Variants in LRRK1 observed in about 807,000 individuals in gnomAD.
The protein encoded by LRRK1 is leucine rich repeat kinase 1.
A neutral mutation model predicts 209.1 loss-of-function variants in LRRK1; 113 were observed. The observed-to-expected ratio is 0.54, with a 90% CI of 0.46 to 0.63. LRRK1 has a LOEUF of 0.63. Among genes scored for constraint, LRRK1 ranks in the 30% least tolerant of loss-of-function variants. The pLI is 0.00. For missense variants in LRRK1, 2,284 were observed against 2,632.2 expected, an observed-to-expected ratio of 0.87 and a Z score of 2.89; for synonymous variants, 1,144 against 1,099.7, an observed-to-expected ratio of 1.04 and a Z score of -0.80.
chr15:100,924,909 A>G (rs2042082989), intron 2 of LRRK1, among the ~76,000 whole-genome samples, 180 bp downstream of exon 2: 1 of 152,268 alleles, frequency 6.6e-6, no homozygotes, highest in South Asian at 2.1e-4. Flanking sequence ...ATTGAGGAAC[A>G]GTGTACAAAA....
At position 101,077,352 on chromosome 15, in the gene LRRK1, A is replaced by G. The variant is rs2037020921; in HGVS notation, c.*8504A>G. The G allele has an allele frequency of 6.6e-6, 1 of 152,204 alleles. No individual in the cohort carries two copies. The highest frequency in any genetic ancestry group is 2.4e-5 in the African/African-American group (1 of 41,448). The allele number at this position is 152,204 out of a possible 1,614,324, so 9.4% of individuals were successfully genotyped here. ...TCATACGTGCCCTGCTCTTGTTTAC[A>G]CTGCCAGTTTACACTGTTTCTCCAA... On this transcript the variant is annotated 3_prime_UTR_variant, in exon 34 of 34. Transcript: ENST00000388948.
chr15:101,027,310 A>G lies in LRRK1; in HGVS notation c.2455A>G (p.Ile819Val), dbSNP rs1213306218. ...LEGQEGLRQLIFHVTCSMKDV... is the reference protein window; with the variant it reads ...LEGQEGLRQLVFHVTCSMKDV... ...AGGTCAGGAAGGGCTGCGACAGCTG[A>G]TTTTCCACGTCACGTGCAGCATGAA... Residue 819 changes from isoleucine (I) to valine (V), a missense_variant, in exon 18 of 34, where the codon ATT (isoleucine) becomes GTT (valine). Physicochemically the swap from Ile to Val is conservative, Grantham distance 29. Transcript: ENST00000388948. The surrounding 1 kb of genome is among the most constrained non-coding windows in gnomAD (Gnocchi z 5.1). 1 of 1,613,958 alleles carries G rather than the reference A, an allele frequency of 6.2e-7. No homozygotes were observed. Among genetic ancestry groups the G allele is most frequent in the Non-Finnish European group, 8.5e-7 (1 of 1,179,992 alleles).
At chr15:101,016,384 C>T (rs539340574) in intron 12 of LRRK1, among the ~76,000 whole-genome samples, 1 of 151,946 alleles carries the variant, frequency 6.6e-6, no homozygotes, top group Admixed American at 6.6e-5. Flanking sequence ...CAGGGTTTCA[C>T]CATGTTGGCC....
At chr15:100,988,604 C>A in intron 4 of LRRK1, 30 bp from the exon 5 acceptor site, 1 of 1,612,040 alleles carries the variant, frequency 6.2e-7, no homozygotes, top group Non-Finnish European at 8.5e-7. Context: ...TTCAGTGGCA[C>A]TTTCCCTTTG....
At chr15:100,940,576 C>T (rs1433628654) in intron 2 of LRRK1, among the ~76,000 whole-genome samples, 2 of 152,160 alleles carry the variant, frequency 1.3e-5, no homozygotes, top group Non-Finnish European at 2.9e-5. Flanking sequence ...CAACTCTTCT[C>T]GTTTTAATTC....
rs1440171357 is a variant in LRRK1 at position 101,074,761 on chromosome 15, C to A, written c.*5913C>A. Reference sequence around the variant, plus strand: ...ACACAAGAACTTCCAAACACCTGAACTGCAGCGGCCAGGCATTCCTCCAGA... The same window carrying A: ...ACACAAGAACTTCCAAACACCTGAAATGCAGCGGCCAGGCATTCCTCCAGA... On this transcript the variant is annotated 3_prime_UTR_variant, in exon 34 of 34. Transcript: ENST00000388948. 6.6e-6 allele frequency: 1 copy of A among 152,006 alleles called. No individual in the cohort carries two copies. The highest frequency in any genetic ancestry group is 1.5e-5 in the Non-Finnish European group (1 of 67,936). The allele number at this position is 152,006 out of a possible 1,614,324, so 9.4% of individuals were successfully genotyped here. A position where few individuals can be genotyped will look rare whatever the true frequency, so the allele number is the denominator to read the frequency against.
chr15:100,943,703 T>C (rs992460587), intron 2 of LRRK1, among the ~76,000 whole-genome samples: 1 of 151,796 alleles, frequency 6.6e-6, no homozygotes, highest in South Asian at 2.1e-4. Context: ...TCGTATCTTT[T>C]TTTTTTTTTT....
chr15:101,052,494 A>G (rs530038634), intron 24 of LRRK1, among the ~76,000 whole-genome samples: 1 of 152,218 alleles, frequency 6.6e-6, no homozygotes, highest in African/African-American at 2.4e-5. Context: ...CTGTAGCCCT[A>G]GCGCTGAGCC....
At position 101,053,224 on chromosome 15, in the gene LRRK1, C is replaced by T. The variant is rs1381057161; in HGVS notation, c.3858C>T (p.Asp1286=). The part of the protein sequence containing the change: ...KFKNFANVPA[D]TMLRHLRATD... Reference sequence around the variant, plus strand: ...CTGACACTGCGCTGTCCCTGGCAGACACCATGCTGAGGCACCTGCGGGCCA... The same window carrying T: ...CTGACACTGCGCTGTCCCTGGCAGATACCATGCTGAGGCACCTGCGGGCCA... The change falls in exon 26 of 34, where the codon GAC becomes GAT. Residue 1286 remains aspartate (D), a splice_region_variant and synonymous_variant. Coordinates refer to ENST00000388948, the MANE Select transcript of LRRK1 (RefSeq NM_024652.6). The T allele has an allele frequency of 1.2e-6, 2 of 1,605,306 alleles. No individual in the cohort carries two copies. The highest frequency in any genetic ancestry group is 1.1e-5 in the South Asian group (1 of 91,062).
intron 2 of LRRK1, among the ~76,000 whole-genome samples, chr15:100,964,627 T>C (rs1043344126): frequency 6.6e-6 from 1 of 152,244 alleles, no homozygotes; most frequent in Non-Finnish European, 1.5e-5. Flanking sequence ...TGCTGCTCTA[T>C]TGACGGAGGC....
Position 101,027,399 on chromosome 15 carries a change from C to A in LRRK1, c.2526+18C>A. 1 of 1,608,740 alleles carries A rather than the reference C, an allele frequency of 6.2e-7. No homozygotes were observed. The highest frequency in any genetic ancestry group is 8.5e-7 in the Non-Finnish European group (1 of 1,177,850). On this transcript the variant is annotated intron_variant, in intron 18 of 33. Coordinates refer to ENST00000388948, the MANE Select transcript of LRRK1 (RefSeq NM_024652.6). The surrounding 1 kb of genome is among the most constrained non-coding windows in gnomAD (Gnocchi z 5.1). ...GGCGGCTGGTGGGTACCTTGCTGGTCCAGTTTAAACCAGTCTGCCTGCTTC... is the reference window on the plus strand; with the variant it reads ...GGCGGCTGGTGGGTACCTTGCTGGTACAGTTTAAACCAGTCTGCCTGCTTC...
chr15:100,964,211 A>G (rs1291480694), intron 2 of LRRK1, among the ~76,000 whole-genome samples: 1 of 152,054 alleles, frequency 6.6e-6, no homozygotes, highest in Admixed American at 6.5e-5. Context: ...TCTGGAGAGG[A>G]ATTATCACCG....
intron 3 of LRRK1, among the ~76,000 whole-genome samples, chr15:100,979,142 C>T (rs2031463511): frequency 6.6e-6 from 1 of 152,216 alleles, no homozygotes; most frequent in Middle Eastern, 3.4e-3. Flanking sequence ...AGAAAAGTTA[C>T]CTTATCATAT....
chr15:101,049,567 C>A, intron 22 of LRRK1, 77 bp from the exon 23 acceptor site: 1 of 1,547,940 alleles, frequency 6.5e-7, no homozygotes. Context: ...TGGTTCCTGT[C>A]CCTGGGGGTA....
In LRRK1 at chr15:101,075,437, A is replaced by T; in HGVS notation, c.*6589A>T. 1 of 119,494 alleles carries T rather than the reference A, an allele frequency of 8.4e-6. No homozygotes were observed. Among genetic ancestry groups the T allele is most frequent in the African/African-American group, 4.0e-5 (1 of 24,902 alleles). The allele number at this position is 119,494 out of a possible 1,614,324, so 7.4% of individuals were successfully genotyped here. A position where few individuals can be genotyped will look rare whatever the true frequency, so the allele number is the denominator to read the frequency against. On this transcript the variant is annotated 3_prime_UTR_variant, in exon 34 of 34. Transcript: ENST00000388948. The stretch of plus-strand genomic sequence containing the variant: ...TATCCCCCGACCTTAACCCATAAGT[A>T]TAAGATACCTCTACTCCCTCCTTGG...
Position 101,027,671 on chromosome 15 carries a change from G to C in LRRK1, c.2560G>C (p.Val854Leu), listed in dbSNP as rs368404584. ...PRSYLSLQEA[V>L]LAEQQRRSRD... ...GAGCTACCTGAGCCTGCAGGAGGCC[G>C]TGCTGGCAGAGCAGCAGCGCCGCAG... The change falls in exon 19 of 34, where the codon GTG becomes CTG. Residue 854 changes from valine to leucine, a missense_variant. Val to Leu is a conservative substitution (Grantham distance 32, BLOSUM62 1). Coordinates refer to ENST00000388948, the MANE Select transcript of LRRK1 (RefSeq NM_024652.6). This position sits in a 1 kb window ranked among gnomAD's most constrained non-coding sequence, Gnocchi z 5.1. 6 of 1,613,152 alleles carry C rather than the reference G, an allele frequency of 3.7e-6. No individual in the cohort carries two copies. Among genetic ancestry groups the C allele is most frequent in the Middle Eastern group, 1.7e-4 (1 of 6,014 alleles).
At chr15:100,972,824 C>G (rs759817141) in intron 2 of LRRK1, among the ~76,000 whole-genome samples, 5 of 152,102 alleles carry the variant, frequency 3.3e-5, no homozygotes, top group Non-Finnish European at 7.4e-5. Flanking sequence ...CGCAGTCTTT[C>G]CGTAATACCT....
intron 1 of LRRK1, among the ~76,000 whole-genome samples, 178 bp from the exon 2 acceptor site, chr15:100,924,333 A>G (rs530697297): frequency 4.8e-4 from 73 of 152,328 alleles, no homozygotes; most frequent in African/African-American, 1.7e-3. Context: ...CCCCGCATCA[A>G]GATGGGATGG....
At chr15:100,930,308 C>T (rs1030359971) in intron 2 of LRRK1, among the ~76,000 whole-genome samples, 3 of 152,200 alleles carry the variant, frequency 2.0e-5, no homozygotes, top group Admixed American at 6.5e-5. Flanking sequence ...TTACACGTTC[C>T]GCTTGGATAT....
Sources: allele counts gnomAD v4.1 joint callset (sites outside exome capture counted in the v4.1 genomes callset), GRCh38; gene constraint gnomAD v4.1.1; non-coding constraint Gnocchi (gnomAD v3.1); transcripts MANE v1.5; gene names NCBI Gene and HGNC (gene_info 2026-07-23, HGNC 2026-07-21).